Variants in HCN1 observed in about 807,000 individuals in gnomAD.
HCN1 encodes the protein hyperpolarization activated cyclic nucleotide gated potassium channel 1, also known as potassium/sodium hyperpolarization-activated cyclic nucleotide-gated channel 1.
HCN1 carries 13 observed loss-of-function variants against 78.9 expected under a neutral mutation model. The observed-to-expected ratio is 0.16, with a 90% CI of 0.11 to 0.26. HCN1 has a LOEUF of 0.26. Among genes scored for constraint, HCN1 ranks in the 10% least tolerant of loss-of-function variants. The probability of loss-of-function intolerance (pLI) is 1.00; values close to 1 mark genes in which losing one functional copy is unlikely to be tolerated. For synonymous variants in HCN1, 552 were observed against 455.5 expected (o/e 1.21, Z -2.70); for missense variants, 810 against 1,154.3 (o/e 0.70, Z 4.32).
intron 2 of HCN1, among the ~76,000 whole-genome samples, chr5:45,636,305 G>A (rs897402675): frequency 6.6e-6 from 1 of 152,146 alleles, no homozygotes; most frequent in Non-Finnish European, 1.5e-5. Context: ...TAAACCAGAA[G>A]CACATCACAA....
chr5:45,479,791 A>C (rs774092322), intron 2 of HCN1, among the ~76,000 whole-genome samples: 13 of 152,292 alleles, frequency 8.5e-5, no homozygotes, highest in Admixed American at 1.3e-4. Context: ...AGTTACATAC[A>C]CGTATATCAT....
intron 3 of HCN1, 127 bp downstream of exon 3, chr5:45,461,719 A>G (rs1741165163): frequency 1.1e-6 from 1 of 897,306 alleles, no homozygotes; most frequent in Admixed American, 2.1e-5. Context: ...TTTTATATTC[A>G]TAGAAGCAAA....
intron 2 of HCN1, among the ~76,000 whole-genome samples, chr5:45,508,191 T>C (rs1281380937): frequency 6.6e-6 from 1 of 152,136 alleles, no homozygotes; most frequent in Non-Finnish European, 1.5e-5. Context: ...GAATATTGAA[T>C]TGGAAATGTA....
chr5:45,396,827 A>G (rs1160754984), intron 3 of HCN1, 117 bp from the exon 4 acceptor site: 4 of 779,044 alleles, frequency 5.1e-6, no homozygotes, highest in Non-Finnish European at 9.1e-6. Context: ...AATCCTTACA[A>G]TGGAGCATTT....
In HCN1 at chr5:45,467,090, C is replaced by A. The variant is rs150013251; in HGVS notation, c.850-5083G>T. On this transcript the variant is annotated intron_variant, in intron 2 of 7. Coordinates refer to ENST00000303230, the MANE Select transcript of HCN1 (RefSeq NM_021072.4). ...ACCTGGATTCTTCTTTCCACTATTC[C>A]TTCCAAAATTCCTCCTACATAATCA... is the stretch of plus-strand genomic sequence containing the variant. Among the ~76,000 whole-genome samples, 1,280 of 152,102 alleles carry A rather than the reference C, an allele frequency of 8.4e-3. 62 individuals carry two copies. Among genetic ancestry groups the A allele is most frequent in the Admixed American group, 0.068 (1,040 of 15,262 alleles).
intron 3 of HCN1, among the ~76,000 whole-genome samples, chr5:45,450,271 T>C (rs1316170877): frequency 2.6e-5 from 4 of 152,206 alleles, no homozygotes; most frequent in African/African-American, 9.6e-5. Flanking sequence ...ATAAAAACAA[T>C]GAAACTGAAG....
chr5:45,263,501 C>G (rs564196726), intron 7 of HCN1, among the ~76,000 whole-genome samples: 25 of 152,306 alleles, frequency 1.6e-4, no homozygotes, highest in Admixed American at 1.4e-3. Flanking sequence ...TGGGCCTGAC[C>G]CCACTTGCTG....
At chr5:45,485,204 A>G (rs1429939860) in intron 2 of HCN1, among the ~76,000 whole-genome samples, 1 of 152,202 alleles carries the variant, frequency 6.6e-6, no homozygotes, top group Non-Finnish European at 1.5e-5. Context: ...TGTAGGCGCT[A>G]AAAGAATTAG....
Position 45,271,359 on chromosome 5 carries a change from TACACACAC to T in HCN1, c.1619-4114_1619-4107del, listed in dbSNP as rs34016747. On this transcript the variant is annotated intron_variant, in intron 6 of 7. Coordinates refer to ENST00000303230, the MANE Select transcript of HCN1 (RefSeq NM_021072.4). ...ATGTCTGGTTTCCTGCTGATTCAGG[TACACACAC>T]ACACACACACACACACACACACACA... is the stretch of plus-strand genomic sequence containing the variant. 1.0e-3 allele frequency among the ~76,000 whole-genome samples: 143 copies of T among 137,410 alleles called. 1 individual carries two copies. Among genetic ancestry groups the T allele is most frequent in the African/African-American group, 2.5e-3 (93 of 37,024 alleles). 90.1% of individuals were successfully genotyped at this position (137,410 alleles called of 152,430 possible).
intron 1 of HCN1, among the ~76,000 whole-genome samples, chr5:45,689,021 A>T (rs138353002): frequency 5.1e-4 from 77 of 152,168 alleles, no homozygotes; most frequent in Admixed American, 8.5e-4. Flanking sequence ...GCTAATGCAT[A>T]TGGGGTTTCT....
chr5:45,565,121 T>G (rs1324397584), intron 2 of HCN1, among the ~76,000 whole-genome samples: 1 of 152,208 alleles, frequency 6.6e-6, no homozygotes, highest in Non-Finnish European at 1.5e-5. Flanking sequence ...CCAATGGAAA[T>G]GACCAATAAA....
Position 45,262,740 on chromosome 5 carries a change from C to T in HCN1, c.1854G>A (p.Glu618=), listed in dbSNP as rs1221163641. The T allele has an allele frequency of 6.2e-7, 1 of 1,614,038 alleles. No individual in the cohort carries two copies. Among genetic ancestry groups the T allele is most frequent in the Non-Finnish European group, 8.5e-7 (1 of 1,180,038 alleles). The change falls in exon 8 of 8, where the codon GAG becomes GAA. Residue 618 remains glutamate, a synonymous_variant. Coordinates refer to ENST00000303230, the MANE Select transcript of HCN1 (RefSeq NM_021072.4). ...TCACAATCTGCTTGAGGATTTCGTTCTCCTGATTGTTGAAAACACCAGTGT... is the reference window on the plus strand; with the variant it reads ...TCACAATCTGCTTGAGGATTTCGTTTTCCTGATTGTTGAAAACACCAGTGT... The part of the protein sequence containing the change: ...DLNTGVFNNQ[E]NEILKQIVKH...
Position 45,439,901 on chromosome 5 carries a change from AG to A in HCN1, c.1011+21944del, listed in dbSNP as rs541406537. On this transcript the variant is annotated intron_variant, in intron 3 of 7. Transcript: ENST00000303230. The stretch of plus-strand genomic sequence containing the variant: ...CATTTGATAAAATATTATATAGAAT[AG>A]TACATAATATACATTATATTAGTCA... 6.3e-4 allele frequency among the ~76,000 whole-genome samples: 94 copies of A among 150,306 alleles called. 1 individual carries two copies. The highest frequency in any genetic ancestry group is 2.2e-3 in the African/African-American group (91 of 41,230).
At chr5:45,316,600 A>G (rs1745999470) in intron 5 of HCN1, among the ~76,000 whole-genome samples, 1 of 152,164 alleles carries the variant, frequency 6.6e-6, no homozygotes, top group Non-Finnish European at 1.5e-5. Context: ...AGGGTATTCA[A>G]TTACAAAAAG....
intron 4 of HCN1, among the ~76,000 whole-genome samples, chr5:45,366,586 G>C (rs1250713557): frequency 6.6e-6 from 1 of 151,666 alleles, no homozygotes; most frequent in East Asian, 1.9e-4. Flanking sequence ...AAATGCAACT[G>C]TTTCTATCTT....
intron 2 of HCN1, among the ~76,000 whole-genome samples, chr5:45,639,823 C>T (rs1038570049): frequency 1.3e-5 from 2 of 152,138 alleles, no homozygotes; most frequent in African/African-American, 2.4e-5. Context: ...TGGCCTCCAA[C>T]CCCCTTCATT....
At chr5:45,661,755 G>A (rs1320827614) in intron 1 of HCN1, among the ~76,000 whole-genome samples, 5 of 49,200 alleles carry the variant, frequency 1.0e-4, no homozygotes, top group Non-Finnish European at 1.5e-4. Context: ...ACTAGACCAG[G>A]AAGAAGTTGA....
intron 3 of HCN1, among the ~76,000 whole-genome samples, chr5:45,446,691 A>G (rs1412701301): frequency 5.9e-5 from 9 of 152,232 alleles, no homozygotes; most frequent in Non-Finnish European, 8.8e-5. Flanking sequence ...TGGATCTCTC[A>G]GCAGAAACTC....
chr5:45,299,560 T>G (rs947945755), intron 6 of HCN1, among the ~76,000 whole-genome samples: 1 of 151,972 alleles, frequency 6.6e-6, no homozygotes, highest in Non-Finnish European at 1.5e-5. Flanking sequence ...GCATCAAATT[T>G]TTTTAAAGCT....
Sources: gnomAD v4.1 joint callset for allele counts (sites outside exome capture counted in the v4.1 genomes callset) on GRCh38, gnomAD v4.1.1 for gene constraint, MANE v1.5 for transcripts, NCBI Gene and HGNC (gene_info 2026-07-23, HGNC 2026-07-21) for gene names.